NRXN1: variants seen among roughly 807,000 people sequenced by gnomAD.
NRXN1 encodes the protein neurexin-1.
NRXN1 carries 39 observed loss-of-function variants against 150.9 expected under a neutral mutation model. The observed-to-expected ratio is 0.26, with a 90% confidence interval of 0.20 to 0.34. The LOEUF is 0.34. Ranked by LOEUF, NRXN1 falls within the 10% of genes least tolerant of loss-of-function variation. The pLI is 1.00. For missense variants in NRXN1, 1,815 were observed against 1,949.9 expected, an observed-to-expected ratio of 0.93 and a Z score of 1.30; for synonymous variants, 924 against 757.0, an observed-to-expected ratio of 1.22 and a Z score of -3.62.
At chr2:50,538,132 G>T in intron 10 of NRXN1, 121 bp downstream of exon 10, 1 of 1,127,354 alleles carries the variant, frequency 8.9e-7, no homozygotes, top group South Asian at 1.9e-5. Flanking sequence ...TGCTCAGCTT[G>T]CAAACAGAGT....
intron 2 of NRXN1, among the ~76,000 whole-genome samples, chr2:50,996,578 T>C (rs1193104344): frequency 3.3e-5 from 5 of 152,054 alleles, no homozygotes; most frequent in Non-Finnish European, 7.4e-5. Flanking sequence ...ACATCCCAGA[T>C]CTGCATGTAC....
In NRXN1 at chr2:49,944,506, A is replaced by T. The variant is rs114606975; in HGVS notation, c.4129-715T>A. Among the ~76,000 whole-genome samples the T allele has an allele frequency of 8.1e-3, 1,235 of 152,278 alleles. 15 individuals are homozygous for T. The highest frequency in any genetic ancestry group is 0.028 in the African/African-American group (1,161 of 41,562). On this transcript the variant is annotated intron_variant, in intron 21 of 22. Coordinates refer to ENST00000401669, the MANE Select transcript of NRXN1 (RefSeq NM_001330078.2). ...AAGAGGTGGCAGTTTTCTCTGTGAC[A>T]TTCTAGTTGCTTCATTGCGCTTACA...
intron 5 of NRXN1, among the ~76,000 whole-genome samples, chr2:50,901,133 C>T (rs1168917207): frequency 1.3e-5 from 2 of 151,948 alleles, no homozygotes; most frequent in Non-Finnish European, 2.9e-5. Flanking sequence ...AATGTGAGTA[C>T]CATGATCCAT....
intron 21 of NRXN1, among the ~76,000 whole-genome samples, chr2:49,964,063 C>CCTT (rs1240861716): frequency 1.3e-5 from 2 of 152,200 alleles, no homozygotes; most frequent in East Asian, 3.9e-4. Flanking sequence ...AGCTTTGAAG[C>CCTT]CTGAAGTTCA....
intron 17 of NRXN1, among the ~76,000 whole-genome samples, chr2:50,344,676 C>T (rs1190929514): frequency 6.6e-6 from 1 of 152,188 alleles, no homozygotes; most frequent in Non-Finnish European, 1.5e-5. Context: ...GGCCAGCAGA[C>T]GGCGCCTGAC....
intron 18 of NRXN1, among the ~76,000 whole-genome samples, chr2:50,218,259 T>G (rs371574430): frequency 6.6e-6 from 1 of 152,172 alleles, no homozygotes; most frequent in East Asian, 1.9e-4. Flanking sequence ...CTAACAAGGT[T>G]CTGTTCACTT....
At chr2:50,844,531 G>A (rs538180664) in intron 5 of NRXN1, among the ~76,000 whole-genome samples, 3 of 152,240 alleles carry the variant, frequency 2.0e-5, no homozygotes, top group South Asian at 2.1e-4. Context: ...TCAATATTTC[G>A]TATAGGTGGT....
At chr2:50,629,312 G>C (rs1051607848) in intron 5 of NRXN1, among the ~76,000 whole-genome samples, 10 of 151,586 alleles carry the variant, frequency 6.6e-5, no homozygotes, top group African/African-American at 2.4e-4. Flanking sequence ...AACTGCAACA[G>C]AAATACAGAT....
At chr2:50,089,921 T>C (rs1699339573) in intron 19 of NRXN1, among the ~76,000 whole-genome samples, 1 of 152,234 alleles carries the variant, frequency 6.6e-6, no homozygotes, top group Non-Finnish European at 1.5e-5. Context: ...TTACTTGGCT[T>C]TCAAATCTTC....
chr2:49,940,429 G>A (rs1558544535), intron 22 of NRXN1, among the ~76,000 whole-genome samples: 1 of 152,040 alleles, frequency 6.6e-6, no homozygotes, highest in African/African-American at 2.4e-5. Context: ...TACAATTATT[G>A]TTATATTATT....
intron 17 of NRXN1, among the ~76,000 whole-genome samples, chr2:50,364,101 G>A (rs988955859): frequency 2.0e-5 from 3 of 152,242 alleles, no homozygotes; most frequent in South Asian, 4.1e-4. Flanking sequence ...GGGTTGGGGA[G>A]CAAGGGGAGG....
In NRXN1 at chr2:50,265,998, A is replaced by T. The variant is rs199707374; in HGVS notation, c.3365-29028T>A. ...TATTATTATTATTATTATTATTATT[A>T]TTTATTTTTTTTTTTTTTGAGATAG... On this transcript the variant is annotated intron_variant, in intron 17 of 22. Transcript: ENST00000401669. Among the ~76,000 whole-genome samples, 157 of 109,938 alleles carry T rather than the reference A, an allele frequency of 1.4e-3. No homozygotes were observed. In the Middle Eastern group the frequency reaches 0.014, roughly 10 times the overall value. 72.1% of individuals were successfully genotyped at this position (109,938 alleles called of 152,430 possible). A position where few individuals can be genotyped will look rare whatever the true frequency, so the allele number is the denominator to read the frequency against.
intron 5 of NRXN1, among the ~76,000 whole-genome samples, chr2:50,672,011 G>C (rs1320831613): frequency 6.6e-6 from 1 of 151,552 alleles, no homozygotes; most frequent in South Asian, 2.1e-4. Flanking sequence ...TATTCAACTT[G>C]GTACCTAACC....
intron 17 of NRXN1, among the ~76,000 whole-genome samples, chr2:50,393,857 A>G (rs959338144): frequency 3.3e-5 from 5 of 152,120 alleles, no homozygotes; most frequent in African/African-American, 1.2e-4. Flanking sequence ...GGCAGCAAAT[A>G]AACCCAAGAC....
At chr2:50,166,568 G>A (rs1243415786) in intron 18 of NRXN1, among the ~76,000 whole-genome samples, 1 of 151,990 alleles carries the variant, frequency 6.6e-6, no homozygotes, top group Non-Finnish European at 1.5e-5. Flanking sequence ...CCACAGACAT[G>A]TGATCTACAG....
intron 17 of NRXN1, among the ~76,000 whole-genome samples, chr2:50,382,379 T>A (rs898844401): frequency 1.1e-4 from 16 of 152,218 alleles, no homozygotes; most frequent in Admixed American, 1.0e-3. Context: ...TGGTTAGACA[T>A]TGACAATCTC....
In NRXN1 at chr2:50,003,828, T is replaced by A. The variant is rs796606163; in HGVS notation, c.4128+49443A>T. 3.0e-4 allele frequency among the ~76,000 whole-genome samples: 46 copies of A among 152,278 alleles called. 1 individual carries two copies. The highest frequency in any genetic ancestry group is 1.1e-3 in the African/African-American group (45 of 41,574). ...GATGAGCAATTCCATAAGGCACTGA[T>A]AGACATAAAATAAGAGTACATACTT... On this transcript the variant is annotated intron_variant, in intron 21 of 22. Transcript: ENST00000401669.
chr2:50,274,505 A>G (rs983294680), intron 17 of NRXN1, among the ~76,000 whole-genome samples: 1 of 152,174 alleles, frequency 6.6e-6, no homozygotes, highest in African/African-American at 2.4e-5. Flanking sequence ...TGGCACGTGT[A>G]TACCTATGTA....
intron 5 of NRXN1, among the ~76,000 whole-genome samples, chr2:50,711,776 C>T (rs1695195272): frequency 6.6e-6 from 1 of 152,108 alleles, no homozygotes. Context: ...GAAGGTGGAA[C>T]TCTCATAAAG....
Sources: gnomAD v4.1 joint callset for allele counts (sites outside exome capture counted in the v4.1 genomes callset) on GRCh38, gnomAD v4.1.1 for gene constraint, MANE v1.5 for transcripts, NCBI Gene and HGNC (gene_info 2026-07-23, HGNC 2026-07-21) for gene names.